OXTR: variants seen among roughly 807,000 people sequenced by gnomAD.
OXTR encodes oxytocin receptor.
Under a neutral mutation model 23.9 loss-of-function variants are expected in OXTR, and 19 were observed. The ratio of observed to expected loss-of-function variants is 0.80; its 90% CI spans 0.56 to 1.17. OXTR has a LOEUF of 1.17. Ranked by LOEUF, OXTR falls within the 50% of genes most tolerant of loss-of-function variation. The pLI, the probability that OXTR is intolerant of heterozygous loss-of-function variation, is 0.00. For synonymous variants in OXTR, 278 were observed against 250.5 expected (o/e 1.11, Z -1.04); for missense variants, 500 against 550.7 (o/e 0.91, Z 0.92).
intron 3 of OXTR, among the ~76,000 whole-genome samples, chr3:8,761,594 C>T (rs953488104): frequency 4.6e-5 from 7 of 152,104 alleles, no homozygotes; most frequent in South Asian, 2.1e-4. Flanking sequence ...CAGCAGTGAT[C>T]GTGGGCAGGT....
At chr3:8,760,726 G>A (rs139574523) in intron 3 of OXTR, among the ~76,000 whole-genome samples, 7 of 152,222 alleles carry the variant, frequency 4.6e-5, no homozygotes, top group African/African-American at 4.8e-5. Flanking sequence ...ATGGGAATCC[G>A]TGGAAGAAAC....
downstream of OXTR, among the ~76,000 whole-genome samples, chr3:8,747,969 A>C (rs1427505092): frequency 2.0e-5 from 3 of 152,222 alleles, no homozygotes; most frequent in Non-Finnish European, 4.4e-5. Flanking sequence ...GAGACAGGAC[A>C]CACATCTGAG....
At chr3:8,758,307 G>T (rs1708417705) in intron 3 of OXTR, among the ~76,000 whole-genome samples, 1 of 152,140 alleles carries the variant, frequency 6.6e-6, no homozygotes, top group South Asian at 2.1e-4. Flanking sequence ...ACGGGCAGCT[G>T]GCCACCGCCT....
intron 3 of OXTR, among the ~76,000 whole-genome samples, chr3:8,764,221 G>A (rs956400371): frequency 2.0e-5 from 3 of 152,062 alleles, no homozygotes; most frequent in African/African-American, 7.3e-5. Context: ...GTGGCCATTG[G>A]CTAAGCTCCC....
At chr3:8,753,716 G>T (rs972688632) in intron 3 of OXTR, among the ~76,000 whole-genome samples, 1 of 152,182 alleles carries the variant, frequency 6.6e-6, no homozygotes, top group Non-Finnish European at 1.5e-5. Context: ...TAAGGAGAGT[G>T]CCCAAACCTC....
chr3:8,767,712 G>T lies in OXTR; in HGVS notation c.476C>A (p.Ala159Asp). 1.2e-6 allele frequency: 2 copies of T among 1,609,926 alleles called. No individual in the cohort carries two copies. Among genetic ancestry groups the T allele is most frequent in the Non-Finnish European group, 1.7e-6 (2 of 1,178,232 alleles). Reference protein sequence around the residue: ...RRRTDRLAVLATWLGCLVASA... With the variant: ...RRRTDRLAVLDTWLGCLVASA... ...GGCCACCAGGCAGCCGAGCCACGTG[G>T]CGAGCACTGCCAGGCGGTCGGTGCG... Residue 159 changes from alanine (A) to aspartate (D), a missense_variant, in exon 3 of 4, where the codon GCC becomes GAC. Transcript: ENST00000316793.
intron 3 of OXTR, among the ~76,000 whole-genome samples, chr3:8,757,097 C>T (rs1708389608): frequency 6.6e-6 from 1 of 152,090 alleles, no homozygotes; most frequent in South Asian, 2.1e-4. Context: ...GGGCCTGGAT[C>T]CCCCTCCCAC....
chr3:8,768,315 T>C lies in OXTR; in HGVS notation c.-128A>G. 8.3e-7 allele frequency: 1 copy of C among 1,211,680 alleles called. No homozygotes were observed. The highest frequency in any genetic ancestry group is 1.0e-6 in the Non-Finnish European group (1 of 975,636). 75.1% of individuals were successfully genotyped at this position (1,211,680 alleles called of 1,614,324 possible). ...CACTCCTGGAGACTCCACGGACGGA[T>C]CTGCTGGGTCCACCCTGAAACAAAC... On this transcript the variant is annotated 5_prime_UTR_variant, in exon 3 of 4. Transcript: ENST00000316793. This position sits in a 1 kb window ranked among gnomAD's most constrained non-coding sequence, Gnocchi z 5.4.
In OXTR at chr3:8,751,960, G is replaced by A. The variant is rs1470703879; in HGVS notation, c.*1017C>T. Reference sequence around the variant, plus strand: ...TCTGCATGTCAGTTAGGATAGTATTGCCATCTTAACAATACTAAGTCTGAT... The same window carrying A: ...TCTGCATGTCAGTTAGGATAGTATTACCATCTTAACAATACTAAGTCTGAT... On this transcript the variant is annotated 3_prime_UTR_variant, in exon 4 of 4. Coordinates refer to ENST00000316793, the MANE Select transcript of OXTR (RefSeq NM_000916.4). 6.6e-6 allele frequency: 1 copy of A among 152,148 alleles called. No individual in the cohort carries two copies. 9.4% of individuals were successfully genotyped at this position (152,148 alleles called of 1,614,324 possible).
chr3:8,763,908 T>C (rs1386302828), intron 3 of OXTR, among the ~76,000 whole-genome samples: 4 of 152,202 alleles, frequency 2.6e-5, no homozygotes, highest in African/African-American at 9.7e-5. Flanking sequence ...TGTAATAGTT[T>C]TTTTTCCTTT....
At chr3:8,765,233 C>T (rs986979469) in intron 3 of OXTR, among the ~76,000 whole-genome samples, 1 of 152,208 alleles carries the variant, frequency 6.6e-6, no homozygotes, top group African/African-American at 2.4e-5. Flanking sequence ...GTTGACCACA[C>T]ACTCTCCTTC....
intron 3 of OXTR, among the ~76,000 whole-genome samples, chr3:8,762,040 T>TTG (rs1309968120): frequency 1.3e-5 from 2 of 152,152 alleles, no homozygotes; most frequent in Non-Finnish European, 2.9e-5. Context: ...CTTCCAAAAG[T>TTG]TGCCAGGGCA....
Position 8,767,338 on chromosome 3 carries a change from A to G in OXTR, c.850T>C (p.Phe284Leu), listed in dbSNP as rs201783860. The G allele has an allele frequency of 5.0e-6, 8 of 1,609,174 alleles. No homozygotes were observed. The highest frequency in any genetic ancestry group is 2.7e-5 in the African/African-American group (2 of 74,440). Residue 284 changes from phenylalanine (F) to leucine (L), a missense_variant, in exon 3 of 4, where the codon TTC (phenylalanine) becomes CTC (leucine). Phe to Leu is a conservative substitution (Grantham distance 22). Coordinates refer to ENST00000316793, the MANE Select transcript of OXTR (RefSeq NM_000916.4). ...VKMTFIIVLA[F>L]IVCWTPFFFV... Reference sequence around the variant, plus strand: ...AAGAAAGGCGTCCAGCACACGATGAAGGCCAGCACGATGATGAAAGTCATC... The same window carrying G: ...AAGAAAGGCGTCCAGCACACGATGAGGGCCAGCACGATGATGAAAGTCATC...
At chr3:8,753,813 A>AAATC (rs3831816) in intron 3 of OXTR, among the ~76,000 whole-genome samples, 80,650 of 151,572 alleles carry the variant, frequency 0.53, 21,635 homozygotes, top group Non-Finnish European at 0.54. Flanking sequence ...TGTGCCGGGC[A>AAATC]AATCAAATAA....
downstream of OXTR, chr3:8,746,174 CA>C (rs1482534318): frequency 3.4e-6 from 1 of 293,248 alleles, no homozygotes; most frequent in Non-Finnish European, 6.5e-6. Flanking sequence ...CATAAACCAG[CA>C]CGCGGTTCCC....
chr3:8,745,060 C>G, the OXTR span: 1 of 166,134 alleles, frequency 6.0e-6, no homozygotes, highest in Non-Finnish European at 1.3e-5. This position sits in a 1 kb window ranked among gnomAD's most constrained non-coding sequence, Gnocchi z 4.8. Context: ...GGAGGTGGGG[C>G]CGGGTGGGAG....
chr3:8,745,656 T>G (rs1377728849), downstream of OXTR: 1 of 1,614,136 alleles, frequency 6.2e-7, no homozygotes. The surrounding 1 kb of genome is among the most constrained non-coding windows in gnomAD (Gnocchi z 4.8). Context: ...CTGCTGGGCG[T>G]CCCACTGGCC....
In OXTR at chr3:8,751,049, G is replaced by C. The variant is rs771176209; in HGVS notation, c.*1928C>G. ...TACATCCTCACCGACACTCGTTCTTGTCCATCTTTTTATTGTAGCCATCCT... is the reference window on the plus strand; with the variant it reads ...TACATCCTCACCGACACTCGTTCTTCTCCATCTTTTTATTGTAGCCATCCT... On this transcript the variant is annotated 3_prime_UTR_variant, in exon 4 of 4. Coordinates refer to ENST00000316793, the MANE Select transcript of OXTR (RefSeq NM_000916.4). 6.6e-6 allele frequency: 1 copy of C among 152,078 alleles called. No individual in the cohort carries two copies. Among genetic ancestry groups the C allele is most frequent in the Admixed American group, 6.5e-5 (1 of 15,272 alleles). 9.4% of individuals were successfully genotyped at this position (152,078 alleles called of 1,614,324 possible).
the OXTR span, chr3:8,742,464 T>C: frequency 2.2e-6 from 1 of 456,342 alleles, no homozygotes; most frequent in Admixed American, 2.4e-5. Context: ...CTTACTACTG[T>C]AAGGAAAGGA....
Sources: allele counts gnomAD v4.1 joint callset (sites outside exome capture counted in the v4.1 genomes callset), GRCh38; gene constraint gnomAD v4.1.1; non-coding constraint Gnocchi (gnomAD v3.1); transcripts MANE v1.5; gene names NCBI Gene and HGNC (gene_info 2026-07-23, HGNC 2026-07-21).